RANBP3L: variants seen among roughly 807,000 people sequenced by gnomAD.
RANBP3L encodes RAN binding protein 3 like.
A neutral mutation model predicts 67.2 loss-of-function variants in RANBP3L; 56 were observed. That is an observed-to-expected ratio of 0.83 (90% CI 0.67 to 1.04). RANBP3L has a LOEUF of 1.04. Among genes scored for constraint, RANBP3L ranks in the 50% least tolerant of loss-of-function variants. The probability of loss-of-function intolerance (pLI) is 0.00; values close to 1 mark genes in which losing one functional copy is unlikely to be tolerated. For missense variants in RANBP3L, 496 were observed against 535.5 expected (o/e 0.93, Z 0.73); for synonymous variants, 164 against 181.4 (o/e 0.90, Z 0.77).
intron 1 of RANBP3L, among the ~76,000 whole-genome samples, chr5:36,282,660 A>G (rs1470043633): frequency 6.6e-6 from 1 of 152,148 alleles, no homozygotes; most frequent in Non-Finnish European, 1.5e-5. Flanking sequence ...CTCCATTTCC[A>G]CAGGAATAAG....
Position 36,249,479 on chromosome 5 carries a change from C to T in RANBP3L, c.*175G>A, listed in dbSNP as rs1488336132. ...ATTCTGTCAGTTTCTGCACAATAAT[C>T]AAAATGTAAAATGTAAAACATAAAA... is the stretch of plus-strand genomic sequence containing the variant. On this transcript the variant is annotated 3_prime_UTR_variant, in exon 14 of 14. Transcript: ENST00000296604. 1 of 386,598 alleles carries T rather than the reference C, an allele frequency of 2.6e-6. No individual in the cohort carries two copies. The highest frequency in any genetic ancestry group is 2.1e-5 in the African/African-American group (1 of 47,804). The allele number at this position is 386,598 out of a possible 1,614,324, so 23.9% of individuals were successfully genotyped here.
chr5:36,301,203 C>T (rs1053484757), intron 1 of RANBP3L, 123 bp downstream of exon 1: 10 of 706,878 alleles, frequency 1.4e-5, no homozygotes, highest in South Asian at 3.3e-5. Flanking sequence ...CAAGTTAACC[C>T]ACCCTTATGC....
intron 4 of RANBP3L, among the ~76,000 whole-genome samples, chr5:36,268,763 C>T (rs1177090485): frequency 6.6e-6 from 1 of 151,354 alleles, no homozygotes; most frequent in Non-Finnish European, 1.5e-5. Flanking sequence ...ACCTGGAGTG[C>T]GGTGGAGCAA....
chr5:36,277,803 A>G (rs1750699050), intron 1 of RANBP3L, among the ~76,000 whole-genome samples: 1 of 152,112 alleles, frequency 6.6e-6, no homozygotes, highest in Non-Finnish European at 1.5e-5. Context: ...AGACACACCC[A>G]AGACTGGAAA....
chr5:36,278,876 T>C (rs1395647076), intron 1 of RANBP3L, among the ~76,000 whole-genome samples: 1 of 152,178 alleles, frequency 6.6e-6, no homozygotes, highest in African/African-American at 2.4e-5. Flanking sequence ...ATCTAACTTA[T>C]TTACATGAAC....
chr5:36,262,595 T>A (rs1265028056), intron 6 of RANBP3L, among the ~76,000 whole-genome samples: 1 of 152,130 alleles, frequency 6.6e-6, no homozygotes, highest in African/African-American at 2.4e-5. Context: ...GTGAGGAAAT[T>A]TAGAATTGGA....
At chr5:36,291,693 T>A (rs1209749387) in intron 1 of RANBP3L, among the ~76,000 whole-genome samples, 3 of 148,984 alleles carry the variant, frequency 2.0e-5, no homozygotes, top group African/African-American at 7.5e-5. Context: ...AATGATAATT[T>A]CCAATTTCAT....
intron 1 of RANBP3L, among the ~76,000 whole-genome samples, chr5:36,294,376 A>G (rs1752036419): frequency 6.6e-6 from 1 of 151,574 alleles, no homozygotes; most frequent in Admixed American, 6.6e-5. Flanking sequence ...TAATTTTTTG[A>G]AGGGTTTTTT....
At position 36,251,321 on chromosome 5, in the gene RANBP3L, T is replaced by G. The variant is rs1159799613; in HGVS notation, c.1346A>C (p.Asn449Thr). Reference sequence around the variant, plus strand: ...AAACAAAAGCTATTTACCTGATCCATTTTTAGTGACTTGGATGAAATCATC... The same window carrying G: ...AAACAAAAGCTATTTACCTGATCCAGTTTTAGTGACTTGGATGAAATCATC... ...NEDDFIQVTK[N>T]GSDPSSWTHR... Residue 449 changes from asparagine (N) to threonine (T), a missense_variant, in exon 13 of 14, where the codon AAT becomes ACT. Coordinates refer to ENST00000296604, the MANE Select transcript of RANBP3L (RefSeq NM_145000.5). The G allele has an allele frequency of 2.5e-6, 4 of 1,611,034 alleles. No homozygotes were observed.
chr5:36,261,058 G>C (rs191384416), intron 7 of RANBP3L, among the ~76,000 whole-genome samples, 194 bp from the exon 8 acceptor site: 10 of 152,274 alleles, frequency 6.6e-5, no homozygotes, highest in Admixed American at 6.5e-4. Context: ...ATAGTTTCCA[G>C]CTCTTACAGC....
At chr5:36,264,615 T>C (rs1035655223) in intron 6 of RANBP3L, among the ~76,000 whole-genome samples, 29 of 152,196 alleles carry the variant, frequency 1.9e-4, no homozygotes, top group African/African-American at 6.0e-4. Context: ...CAGTTGGCGA[T>C]GTAGAGAAAA....
intron 11 of RANBP3L, among the ~76,000 whole-genome samples, chr5:36,254,141 T>C (rs1748797569): frequency 6.6e-6 from 1 of 152,058 alleles, no homozygotes; most frequent in Non-Finnish European, 1.5e-5. Context: ...ATTAGTTAAA[T>C]AAATTGTGGT....
intron 4 of RANBP3L, among the ~76,000 whole-genome samples, chr5:36,269,137 T>C (rs1197100277): frequency 6.6e-6 from 1 of 152,176 alleles, no homozygotes; most frequent in African/African-American, 2.4e-5. Context: ...CACTTGCAAC[T>C]CCTCTACTTA....
intron 1 of RANBP3L, among the ~76,000 whole-genome samples, chr5:36,281,611 T>G (rs948008499): frequency 2.0e-5 from 3 of 152,184 alleles, no homozygotes; most frequent in African/African-American, 7.2e-5. Context: ...ATAAACCTGG[T>G]TGGGACATGA....
chr5:36,279,622 AG>A (rs1032236192), intron 1 of RANBP3L, among the ~76,000 whole-genome samples: 1 of 152,184 alleles, frequency 6.6e-6, no homozygotes, highest in Non-Finnish European at 1.5e-5. Context: ...AAACGATTGC[AG>A]CCCTGATCAT....
chr5:36,250,033 G>T (rs2111575989), intron 13 of RANBP3L, among the ~76,000 whole-genome samples: 1 of 151,902 alleles, frequency 6.6e-6, no homozygotes, highest in Non-Finnish European at 1.5e-5. Flanking sequence ...ATTGACATTT[G>T]CTTTGCCTTA....
intron 1 of RANBP3L, among the ~76,000 whole-genome samples, chr5:36,286,281 G>A (rs1440142750): frequency 6.6e-6 from 1 of 152,132 alleles, no homozygotes. Flanking sequence ...GAACCTGAAA[G>A]GTGTAAATGA....
intron 9 of RANBP3L, 49 bp downstream of exon 9, chr5:36,257,403 CAG>C: frequency 1.3e-6 from 1 of 744,348 alleles, no homozygotes; most frequent in Non-Finnish European, 2.2e-6. Context: ...AAATAAAAAA[CAG>C]GAGACAAACT....
intron 12 of RANBP3L, among the ~76,000 whole-genome samples, chr5:36,252,099 TG>T (rs1479943181): frequency 6.6e-6 from 1 of 152,042 alleles, no homozygotes; most frequent in East Asian, 1.9e-4. Context: ...AGTAAAACTG[TG>T]GGTTATTAAT....
Sources: allele counts gnomAD v4.1 joint callset (sites outside exome capture counted in the v4.1 genomes callset), GRCh38; gene constraint gnomAD v4.1.1; transcripts MANE v1.5; gene names NCBI Gene and HGNC (gene_info 2026-07-23, HGNC 2026-07-21).